The following RIC1 variants were observed in gnomAD, a reference collection of about 807,000 sequenced individuals.
The protein encoded by RIC1 is RIC1 partner of RAB6A GEF complex, also known as guanine nucleotide exchange factor subunit RIC1.
A neutral mutation model predicts 169.0 loss-of-function variants in RIC1; 88 were observed. The ratio of observed to expected loss-of-function variants is 0.52; its 90% CI spans 0.44 to 0.62. RIC1 has a LOEUF of 0.62. RIC1 is among the 20% of genes least tolerant of loss of function. The pLI is 0.00. For synonymous variants in RIC1, 790 were observed against 601.5 expected (o/e 1.31, Z -4.59); for missense variants, 1,877 against 1,725.5 (o/e 1.09, Z -1.56).
chr9:5,693,173 G>T (rs983329259), intron 3 of RIC1, among the ~76,000 whole-genome samples: 2 of 152,122 alleles, frequency 1.3e-5, no homozygotes, highest in African/African-American at 4.8e-5. Context: ...ACTGAGGCCA[G>T]TGGTTAATCA....
chr9:5,681,764 T>A (rs1002511745), intron 2 of RIC1, among the ~76,000 whole-genome samples: 56 of 152,288 alleles, frequency 3.7e-4, no homozygotes, highest in Admixed American at 3.3e-3. Context: ...CCCATTATTA[T>A]TGTGTGGGAG....
intron 6 of RIC1, among the ~76,000 whole-genome samples, chr9:5,722,205 C>CTT (rs77698349): frequency 2.4e-5 from 3 of 124,792 alleles, no homozygotes; most frequent in African/African-American, 3.0e-5. Flanking sequence ...TCTTCTTCTT[C>CTT]TTTTTTTTTT....
At chr9:5,767,749 G>A (rs1826890723) in intron 21 of RIC1, among the ~76,000 whole-genome samples, 1 of 151,780 alleles carries the variant, frequency 6.6e-6, no homozygotes, top group African/African-American at 2.4e-5. Context: ...CACCACGCCT[G>A]GCTCATTTTG....
chr9:5,736,485 G>A (rs1263656842), intron 7 of RIC1, among the ~76,000 whole-genome samples: 1 of 152,174 alleles, frequency 6.6e-6, no homozygotes, highest in African/African-American at 2.4e-5. Flanking sequence ...TTTGTAGGCT[G>A]CAGCACAGGA....
At position 5,747,350 on chromosome 9, in the gene RIC1, A is replaced by C; in HGVS notation, c.1297A>C (p.Asn433His). 1 of 1,614,062 alleles carries C rather than the reference A, an allele frequency of 6.2e-7. No individual in the cohort carries two copies. Among genetic ancestry groups the C allele is most frequent in the South Asian group, 1.1e-5 (1 of 91,082 alleles). ...TCAGGGTGAGGATCGCTTGTACTTG[A>C]ACTGTGGAGAGGCTTCACAAACCCA... Reference protein sequence around the residue: ...LLQGEDRLYLNCGEASQTQNP... With the variant: ...LLQGEDRLYLHCGEASQTQNP... Residue 433 changes from asparagine to histidine, a missense_variant, in exon 12 of 26, where the codon AAC becomes CAC. Coordinates refer to ENST00000414202, the MANE Select transcript of RIC1 (RefSeq NM_020829.4).
intron 6 of RIC1, among the ~76,000 whole-genome samples, chr9:5,724,865 A>G (rs1032880759): frequency 3.3e-5 from 5 of 152,134 alleles, no homozygotes; most frequent in African/African-American, 1.2e-4. Context: ...ACCGTTATTG[A>G]TTTTCGTATC....
In RIC1 at chr9:5,680,922, G is replaced by T. The variant is rs1294933663; in HGVS notation, c.253-9037G>T. Among the ~76,000 whole-genome samples the T allele has an allele frequency of 4.3e-5, 6 of 139,362 alleles. No homozygotes were observed. In the Admixed American group the frequency reaches 4.7e-4, roughly 11 times the overall value. The allele number at this position is 139,362 out of a possible 152,430, so 91.4% of individuals were successfully genotyped here. Reference sequence around the variant, plus strand: ...GCTCACTGCAAGCTCCGCCTCCCGGGTTCACGCCATTCTCCTGCCTCAGCC... The same window carrying T: ...GCTCACTGCAAGCTCCGCCTCCCGGTTTCACGCCATTCTCCTGCCTCAGCC... On this transcript the variant is annotated intron_variant, in intron 2 of 25. Coordinates refer to ENST00000414202, the MANE Select transcript of RIC1 (RefSeq NM_020829.4).
chr9:5,762,508 G>T (rs372466307), intron 17 of RIC1, 33 bp from the exon 18 acceptor site: 2 of 1,612,178 alleles, frequency 1.2e-6, no homozygotes, highest in East Asian at 4.5e-5. Flanking sequence ...CGATACAGAA[G>T]TATGAATTTA....
chr9:5,631,866 T>C (rs1464478941), intron 1 of RIC1, among the ~76,000 whole-genome samples: 1 of 152,164 alleles, frequency 6.6e-6, no homozygotes, highest in Non-Finnish European at 1.5e-5. Flanking sequence ...GTAAACTTCC[T>C]GAAAGTATGT....
chr9:5,765,857 G>A, intron 21 of RIC1, 59 bp downstream of exon 21: 1 of 1,581,074 alleles, frequency 6.3e-7, no homozygotes. Context: ...TGCATTTCAA[G>A]ACATTTACAA....
intron 12 of RIC1, among the ~76,000 whole-genome samples, chr9:5,752,602 G>T (rs888134940): frequency 2.0e-5 from 3 of 151,764 alleles, no homozygotes; most frequent in African/African-American, 7.3e-5. Context: ...CATCATGCAC[G>T]GTTTCGTATT....
At chr9:5,670,086 C>A (rs947594291) in intron 2 of RIC1, among the ~76,000 whole-genome samples, 22 of 152,176 alleles carry the variant, frequency 1.4e-4, no homozygotes, top group Non-Finnish European at 2.6e-4. Flanking sequence ...AGTATGGATA[C>A]CTGTGCATCT....
chr9:5,710,664 G>A (rs1041327305), intron 3 of RIC1, among the ~76,000 whole-genome samples: 15 of 152,126 alleles, frequency 9.9e-5, no homozygotes, highest in African/African-American at 3.6e-4. Flanking sequence ...CCAGAAAAAA[G>A]GAACTTAAAG....
At chr9:5,712,357 A>G (rs1469650538) in intron 3 of RIC1, among the ~76,000 whole-genome samples, 1 of 152,118 alleles carries the variant, frequency 6.6e-6, no homozygotes, top group Non-Finnish European at 1.5e-5. Flanking sequence ...TGTGTCTGTT[A>G]AAGAGCTTCT....
intron 21 of RIC1, 95 bp downstream of exon 21, chr9:5,765,893 T>C (rs1403310468): frequency 2.1e-6 from 3 of 1,417,984 alleles, no homozygotes; most frequent in Non-Finnish European, 2.9e-6. Context: ...GAAACAACTA[T>C]TTAATCCAAT....
At chr9:5,769,820 CTT>C in intron 22 of RIC1, 1 of 355,828 alleles carries the variant, frequency 2.8e-6, no homozygotes, top group East Asian at 4.8e-5. Context: ...AAGCAAATCA[CTT>C]AGAAGATCAA....
chr9:5,743,652 G>A (rs745976332), intron 9 of RIC1, 37 bp from the exon 10 acceptor site: 2 of 1,509,432 alleles, frequency 1.3e-6, no homozygotes, highest in Non-Finnish European at 1.8e-6. Context: ...TATGTAATTG[G>A]AAGGCTGTAT....
chr9:5,733,371 C>G (rs1300043304), intron 7 of RIC1, among the ~76,000 whole-genome samples: 2 of 151,224 alleles, frequency 1.3e-5, no homozygotes, highest in South Asian at 4.2e-4. Context: ...TCACGCCATT[C>G]TCCTGCCTCA....
At chr9:5,757,523 T>C (rs1388245082) in intron 17 of RIC1, 72 bp downstream of exon 17, 48 of 1,519,550 alleles carry the variant, frequency 3.2e-5, no homozygotes, top group Non-Finnish European at 5.4e-6. Flanking sequence ...TATTAGGAAG[T>C]ATTTGTTTGG....
Sources: gnomAD v4.1 joint callset for allele counts (sites outside exome capture counted in the v4.1 genomes callset) on GRCh38, gnomAD v4.1.1 for gene constraint, MANE v1.5 for transcripts, NCBI Gene and HGNC (gene_info 2026-07-23, HGNC 2026-07-21) for gene names.